Variants in EPN2 observed in about 807,000 individuals in gnomAD.
The protein encoded by EPN2 is epsin 2.
In EPN2, 34 loss-of-function variants were observed where a neutral mutation model predicts 61.7. The ratio of observed to expected loss-of-function variants is 0.55; its 90% confidence interval spans 0.42 to 0.73. The LOEUF (loss-of-function observed/expected upper bound fraction) is 0.73. Ranked by LOEUF, EPN2 falls within the 30% of genes least tolerant of loss-of-function variation. EPN2 has a pLI of 0.00. For missense variants in EPN2, 714 were observed against 839.2 expected (o/e 0.85, Z 1.84); for synonymous variants, 349 against 353.6 (o/e 0.99, Z 0.15).
chr17:19,290,057 C>A (rs1169840685), intron 4 of EPN2, among the ~76,000 whole-genome samples: 1 of 152,104 alleles, frequency 6.6e-6, no homozygotes, highest in African/African-American at 2.4e-5. Context: ...CTTGTAATTT[C>A]AGACACACCA....
At position 19,285,928 on chromosome 17, in the gene EPN2, C is replaced by G; in HGVS notation, c.766+138C>G. Reference sequence around the variant, plus strand: ...TTTGGCCTCCAGCAGGCCCAGGAGCCCTTTCTTCCTCTCTCCTGGGAGCTT... The same window carrying G: ...TTTGGCCTCCAGCAGGCCCAGGAGCGCTTTCTTCCTCTCTCCTGGGAGCTT... On this transcript the variant is annotated intron_variant, in intron 4 of 10. Transcript: ENST00000314728. This position sits in a 1 kb window ranked among gnomAD's most constrained non-coding sequence, Gnocchi z 4.5. 7.1e-7 allele frequency: 1 copy of G among 1,399,364 alleles called. No homozygotes were observed. Among genetic ancestry groups the G allele is most frequent in the Non-Finnish European group, 9.3e-7 (1 of 1,070,032 alleles). The allele number at this position is 1,399,364 out of a possible 1,614,324, so 86.7% of individuals were successfully genotyped here. A position where few individuals can be genotyped will look rare whatever the true frequency, so the allele number is the denominator to read the frequency against.
chr17:19,319,783 G>A (rs1053775723), intron 7 of EPN2, among the ~76,000 whole-genome samples: 1 of 152,150 alleles, frequency 6.6e-6, no homozygotes, highest in East Asian at 1.9e-4. Flanking sequence ...AAGTAGCTGG[G>A]ACTGCAGGCA....
intron 4 of EPN2, among the ~76,000 whole-genome samples, chr17:19,289,087 T>G (rs1391032399): frequency 8.0e-5 from 11 of 138,206 alleles, no homozygotes; most frequent in South Asian, 2.5e-4. Context: ...TTTTTTTTTT[T>G]TTTTTTTTTT....
intron 10 of EPN2, among the ~76,000 whole-genome samples, chr17:19,332,636 C>A (rs1435424173): frequency 6.6e-6 from 1 of 152,180 alleles, no homozygotes; most frequent in Non-Finnish European, 1.5e-5. Context: ...GTGCATGAAA[C>A]CCTTGTGACA....
At chr17:19,275,606 A>T (rs904816738) in intron 1 of EPN2, among the ~76,000 whole-genome samples, 2 of 152,086 alleles carry the variant, frequency 1.3e-5, no homozygotes, top group African/African-American at 4.8e-5. Context: ...CATATCACTG[A>T]TGTAGCTGCT....
chr17:19,306,327 A>G (rs879382607), intron 4 of EPN2: 1 of 152,244 alleles, frequency 6.6e-6, no homozygotes, highest in African/African-American at 2.4e-5. Flanking sequence ...TCACCAAGGC[A>G]AGAATATCTC....
Position 19,287,643 on chromosome 17 carries a change from C to T in EPN2, c.766+1853C>T, listed in dbSNP as rs114731999. ...AGCAGTGGGAAGGTCAGAATGATGCCGGCCATTCAGAAAACTGTCAGGTGA... is the reference window on the plus strand; with the variant it reads ...AGCAGTGGGAAGGTCAGAATGATGCTGGCCATTCAGAAAACTGTCAGGTGA... On this transcript the variant is annotated intron_variant, in intron 4 of 10. Transcript: ENST00000314728. Among the ~76,000 whole-genome samples, 1,380 of 152,194 alleles carry T rather than the reference C, an allele frequency of 9.1e-3. 21 individuals are homozygous for T. The highest frequency in any genetic ancestry group is 0.031 in the African/African-American group (1,295 of 41,508).
At chr17:19,331,337 T>C (rs1907145361) in intron 9 of EPN2, among the ~76,000 whole-genome samples, 1 of 152,194 alleles carries the variant, frequency 6.6e-6, no homozygotes, top group Non-Finnish European at 1.5e-5. Flanking sequence ...AGAGAATGAC[T>C]GTTGTTAAGA....
At chr17:19,276,773 G>GTTTTTCTTTTTTTTTTTTTTTTTTT (rs370693392) in intron 1 of EPN2, among the ~76,000 whole-genome samples, 6 of 119,328 alleles carry the variant, frequency 5.0e-5, no homozygotes, top group African/African-American at 2.5e-4. Flanking sequence ...ATGAGAATAA[G>GTTTTTCTTTTTTTTTTTTTTTTTTT]TTTTTTTTTT....
intron 5 of EPN2, among the ~76,000 whole-genome samples, chr17:19,311,810 T>C (rs1008294500): frequency 3.3e-5 from 5 of 152,262 alleles, no homozygotes; most frequent in African/African-American, 1.2e-4. Context: ...TGGTGGTACC[T>C]GAGCCATAGT....
intron 1 of EPN2, among the ~76,000 whole-genome samples, chr17:19,277,814 T>G (rs2045322215): frequency 6.6e-6 from 1 of 152,116 alleles, no homozygotes. Context: ...GGCTCACGCC[T>G]GTAATCCCAG....
intron 9 of EPN2, among the ~76,000 whole-genome samples, chr17:19,331,517 GAAAA>G (rs563630277): frequency 1.6e-5 from 2 of 126,372 alleles, no homozygotes; most frequent in Admixed American, 1.6e-4. Context: ...GAAAATGTAA[GAAAA>G]AAAAAAAAAA....
At chr17:19,328,915 G>T (rs1434250183) in intron 8 of EPN2, 28 bp downstream of exon 8, 4 of 1,589,020 alleles carry the variant, frequency 2.5e-6, no homozygotes, top group Non-Finnish European at 3.4e-6. Context: ...CCACTTTCCT[G>T]CCTGGCCTCT....
At chr17:19,266,563 T>G (rs923714444) in intron 1 of EPN2, among the ~76,000 whole-genome samples, 7 of 151,924 alleles carry the variant, frequency 4.6e-5, no homozygotes, top group African/African-American at 1.7e-4. Flanking sequence ...CTACCACGCC[T>G]GGCTAATTTT....
In EPN2 at chr17:19,239,449, G is replaced by C. The variant is rs557694306; in HGVS notation, c.-294+1918G>C. ...TTACAGGCGTGAGCCAACACTCCCGGCCTAAATCTTTTATTTATCTGTATT... is the reference window on the plus strand; with the variant it reads ...TTACAGGCGTGAGCCAACACTCCCGCCCTAAATCTTTTATTTATCTGTATT... On this transcript the variant is annotated intron_variant, in intron 1 of 10. Transcript: ENST00000314728. 3.9e-5 allele frequency among the ~76,000 whole-genome samples: 6 copies of C among 152,336 alleles called. No homozygotes were observed. In the East Asian group the frequency reaches 1.2e-3, roughly 29 times the overall value.
chr17:19,318,010 T>A (rs1412388027), intron 7 of EPN2, among the ~76,000 whole-genome samples: 11 of 152,236 alleles, frequency 7.2e-5, no homozygotes, highest in Admixed American at 7.2e-4. Context: ...ACTTTGTATG[T>A]GTCTGGGGGG....
At chr17:19,314,050 G>A (rs1906270463) in intron 7 of EPN2, among the ~76,000 whole-genome samples, 1 of 152,110 alleles carries the variant, frequency 6.6e-6, no homozygotes, top group South Asian at 2.1e-4. Context: ...TGTATCTCCT[G>A]GAGTCTCTGT....
At chr17:19,313,779 T>C (rs1418307843) in intron 7 of EPN2, 2 of 154,272 alleles carry the variant, frequency 1.3e-5, no homozygotes, top group East Asian at 3.8e-4. Context: ...AATGAATATT[T>C]TAAAGTTTTG....
chr17:19,329,781 A>G lies in EPN2; in HGVS notation c.1411+134A>G, dbSNP rs565841116. 4.8e-6 allele frequency: 3 copies of G among 628,594 alleles called. No homozygotes were observed. The South Asian group carries it at 6.2e-5, about 13-fold the overall frequency. 38.9% of individuals were successfully genotyped at this position (628,594 alleles called of 1,614,324 possible). On this transcript the variant is annotated intron_variant, in intron 9 of 10. Coordinates refer to ENST00000314728, the MANE Select transcript of EPN2 (RefSeq NM_014964.5). ...TTGTATTTTGATCTTGGGAGCCTGAAGTTTCTAATTCTAAGAATTCATACA... is the reference window on the plus strand; with the variant it reads ...TTGTATTTTGATCTTGGGAGCCTGAGGTTTCTAATTCTAAGAATTCATACA...
Sources: gnomAD v4.1 joint callset for allele counts (sites outside exome capture counted in the v4.1 genomes callset) on GRCh38, gnomAD v4.1.1 for gene constraint, Gnocchi (gnomAD v3.1) non-coding constraint, MANE v1.5 for transcripts, NCBI Gene and HGNC (gene_info 2026-07-23, HGNC 2026-07-21) for gene names.